Variants in CDH18 observed in about 807,000 individuals in gnomAD.
CDH18 encodes cadherin-18.
Under a neutral mutation model 67.9 loss-of-function variants are expected in CDH18, and 31 were observed. The ratio of observed to expected loss-of-function variants is 0.46; its 90% CI spans 0.34 to 0.62. CDH18 has a LOEUF of 0.62. CDH18 is among the 20% of genes least tolerant of loss of function. CDH18 has a pLI of 0.01. For synonymous variants in CDH18, 362 were observed against 347.2 expected, an observed-to-expected ratio of 1.04 and a Z score of -0.48; for missense variants, 890 against 975.5, an observed-to-expected ratio of 0.91 and a Z score of 1.17.
intron 1 of CDH18, among the ~76,000 whole-genome samples, chr5:20,316,886 T>C (rs571823590): frequency 2.6e-5 from 4 of 152,066 alleles, no homozygotes; most frequent in Non-Finnish European, 2.9e-5. Flanking sequence ...ATATGTTCAT[T>C]ACTGGATATT....
intron 2 of CDH18, among the ~76,000 whole-genome samples, chr5:20,101,309 A>T (rs1288896661): frequency 2.0e-5 from 3 of 152,186 alleles, no homozygotes; most frequent in Non-Finnish European, 4.4e-5. Context: ...TCATTAAAAA[A>T]CAAAATTCCA....
At chr5:19,514,924 G>C (rs1745727686) in intron 10 of CDH18, among the ~76,000 whole-genome samples, 1 of 152,116 alleles carries the variant, frequency 6.6e-6, no homozygotes, top group Non-Finnish European at 1.5e-5. Flanking sequence ...CCTTGCCCAT[G>C]CCTATGTCCT....
intron 1 of CDH18, among the ~76,000 whole-genome samples, chr5:20,383,969 C>A (rs188091019): frequency 1.3e-5 from 2 of 151,718 alleles, no homozygotes; most frequent in Admixed American, 1.3e-4. Context: ...AATTTAAATT[C>A]AAGTCAATAA....
intron 5 of CDH18, among the ~76,000 whole-genome samples, chr5:19,622,635 T>C (rs1031496161): frequency 1.3e-5 from 2 of 152,126 alleles, no homozygotes; most frequent in Non-Finnish European, 2.9e-5. Context: ...CCTGTGAGCT[T>C]TCTGGTAAGT....
At chr5:20,529,755 A>G (rs894463760) in intron 1 of CDH18, among the ~76,000 whole-genome samples, 7 of 152,096 alleles carry the variant, frequency 4.6e-5, no homozygotes, top group Non-Finnish European at 7.3e-5. Flanking sequence ...AATAAGAGTC[A>G]TATATGACAG....
At chr5:20,079,815 C>CAAGCTGG (rs1437577184) in intron 2 of CDH18, among the ~76,000 whole-genome samples, 2 of 152,054 alleles carry the variant, frequency 1.3e-5, no homozygotes, top group East Asian at 3.9e-4. Context: ...GCTGGGAAGT[C>CAAGCTGG]CAAGATTAAG....
chr5:20,000,457 G>GA (rs1736355177), intron 2 of CDH18, among the ~76,000 whole-genome samples: 1 of 152,100 alleles, frequency 6.6e-6, no homozygotes, highest in Middle Eastern at 3.2e-3. Context: ...GATCCTGGAA[G>GA]AAAAAAAGTG....
intron 2 of CDH18, among the ~76,000 whole-genome samples, chr5:20,027,900 G>A (rs987173690): frequency 5.3e-5 from 8 of 152,194 alleles, no homozygotes; most frequent in Non-Finnish European, 1.0e-4. Context: ...AGATTAAGAT[G>A]AGTGGCCTTT....
intron 2 of CDH18, among the ~76,000 whole-genome samples, chr5:19,948,762 G>T (rs1436884685): frequency 6.6e-6 from 1 of 152,080 alleles, no homozygotes; most frequent in Non-Finnish European, 1.5e-5. Context: ...ATGTTATTGT[G>T]GGAGAAAGAA....
At chr5:19,836,596 CAT>C (rs1217230822) in intron 3 of CDH18, among the ~76,000 whole-genome samples, 2 of 152,024 alleles carry the variant, frequency 1.3e-5, no homozygotes, top group Non-Finnish European at 1.5e-5. Context: ...AGATGGCAAA[CAT>C]TTTCTCCCAT....
intron 2 of CDH18, among the ~76,000 whole-genome samples, chr5:20,147,000 T>G (rs1046620206): frequency 9.2e-5 from 14 of 152,140 alleles, no homozygotes; most frequent in Non-Finnish European, 1.9e-4. Context: ...GAAGTATGCC[T>G]ACATGTTTAT....
chr5:20,039,632 CT>C (rs2150469299), intron 2 of CDH18, among the ~76,000 whole-genome samples: 1 of 152,256 alleles, frequency 6.6e-6, no homozygotes, highest in African/African-American at 2.4e-5. Context: ...GTTGGGAAAA[CT>C]GGCTAGCCAT....
At chr5:19,994,183 T>C (rs1441162672) in intron 2 of CDH18, among the ~76,000 whole-genome samples, 1 of 151,922 alleles carries the variant, frequency 6.6e-6, no homozygotes, top group Non-Finnish European at 1.5e-5. Context: ...ACTGAATGAA[T>C]GCAATCTGGT....
chr5:19,532,789 G>C (rs1284506957), intron 9 of CDH18, among the ~76,000 whole-genome samples: 4 of 152,154 alleles, frequency 2.6e-5, no homozygotes, highest in African/African-American at 4.8e-5. Context: ...AGTTTTTAAA[G>C]GTATAGCTGA....
At chr5:19,927,139 A>G (rs2150186555) in intron 2 of CDH18, among the ~76,000 whole-genome samples, 1 of 152,244 alleles carries the variant, frequency 6.6e-6, no homozygotes, top group South Asian at 2.1e-4. Flanking sequence ...TTTATTGGGT[A>G]CTTACAATAT....
At chr5:19,577,985 T>G (rs1157465870) in intron 7 of CDH18, among the ~76,000 whole-genome samples, 5 of 152,052 alleles carry the variant, frequency 3.3e-5, no homozygotes, top group African/African-American at 1.2e-4. Flanking sequence ...AGAGGAGTGA[T>G]GTAGCCATGA....
At chr5:20,089,762 T>C (rs1056915634) in intron 2 of CDH18, among the ~76,000 whole-genome samples, 5 of 152,264 alleles carry the variant, frequency 3.3e-5, no homozygotes, top group Admixed American at 3.3e-4. Flanking sequence ...TATTCTTACT[T>C]GGATCCTAAG....
rs564973259 is a variant in CDH18 at position 20,198,991 on chromosome 5, C to T, written c.-518+56453G>A. Among the ~76,000 whole-genome samples the T allele has an allele frequency of 3.3e-5, 5 of 152,334 alleles. No homozygotes were observed. In the East Asian group the frequency reaches 5.8e-4, roughly 18 times the overall value. ...ACTTCCACCTGGATTTCAGAGGATG[C>T]AGGAAAACACCTGGATGTCCAGGCA... is the stretch of plus-strand genomic sequence containing the variant. On this transcript the variant is annotated intron_variant, in intron 2 of 14. Coordinates refer to the CDH18 transcript ENST00000507958.
Position 20,047,574 on chromosome 5 carries a change from C to T in CDH18, c.-517-55560G>A, listed in dbSNP as rs1253392521. On this transcript the variant is annotated intron_variant, in intron 2 of 14. Transcript: ENST00000507958. ...ATGCATAATTCTATTTAAAATAGAA[C>T]TATAACACTCAAATGAGCAAACGTT... 4.6e-5 allele frequency among the ~76,000 whole-genome samples: 7 copies of T among 151,848 alleles called. No individual in the cohort carries two copies. The South Asian group carries it at 1.2e-3, about 27-fold the overall frequency.
Sources: allele counts gnomAD v4.1 joint callset (sites outside exome capture counted in the v4.1 genomes callset), GRCh38; gene constraint gnomAD v4.1.1; transcripts MANE v1.5; gene names NCBI Gene and HGNC (gene_info 2026-07-23, HGNC 2026-07-21).